Variants in TPRG1 observed in about 807,000 individuals in gnomAD.
TPRG1 encodes tumor protein p63 regulated 1.
Under a neutral mutation model 29.3 loss-of-function variants are expected in TPRG1, and 29 were observed. The ratio of observed to expected loss-of-function variants is 0.99; its 90% CI spans 0.74 to 1.35. The LOEUF (loss-of-function observed/expected upper bound fraction) is 1.35, where lower values mean the gene tolerates loss of function less well. TPRG1 is among the 40% of genes most tolerant of loss of function. The pLI, the probability that TPRG1 is intolerant of heterozygous loss-of-function variation, is 0.00. For synonymous variants in TPRG1, 130 were observed against 116.8 expected, an observed-to-expected ratio of 1.11 and a Z score of -0.73; for missense variants, 327 against 335.0, an observed-to-expected ratio of 0.98 and a Z score of 0.19.
At chr3:189,256,731 G>C (rs1467281833) in intron 4 of TPRG1, among the ~76,000 whole-genome samples, 4 of 152,090 alleles carry the variant, frequency 2.6e-5, no homozygotes, top group African/African-American at 9.7e-5. Context: ...AGCTCTTCTT[G>C]TTGCATTGAT....
intron 4 of TPRG1, among the ~76,000 whole-genome samples, chr3:189,060,169 TTG>T (rs1267202098): frequency 6.6e-6 from 1 of 151,812 alleles, no homozygotes; most frequent in Non-Finnish European, 1.5e-5. Flanking sequence ...GAGGCAGAGG[TTG>T]TGGTGAGCTG....
chr3:189,201,429 G>A (rs1733469109), intron 1 of TPRG1, among the ~76,000 whole-genome samples: 1 of 152,188 alleles, frequency 6.6e-6, no homozygotes, highest in South Asian at 2.1e-4. Context: ...AGTGCCTGGT[G>A]TTGCAGCTGG....
At chr3:189,311,402 G>A (rs1722464685) in intron 5 of TPRG1, among the ~76,000 whole-genome samples, 1 of 152,110 alleles carries the variant, frequency 6.6e-6, no homozygotes, top group Admixed American at 6.5e-5. Flanking sequence ...TGTATGTAAA[G>A]ACTTTCTGTG....
At chr3:189,310,619 CAAAACAAAATAAAAT>C in intron 5 of TPRG1, 80 bp downstream of exon 5, 1 of 730,740 alleles carries the variant, frequency 1.4e-6, no homozygotes, top group South Asian at 3.7e-5. Context: ...TACTCCTAAA[CAAAACAAAATAAAAT>C]AAAATAAAAT....
At chr3:189,115,304 G>A (rs1419507017) in intron 1 of TPRG1, among the ~76,000 whole-genome samples, 3 of 152,166 alleles carry the variant, frequency 2.0e-5, no homozygotes, top group Non-Finnish European at 4.4e-5. Flanking sequence ...TCAACATATT[G>A]GCGCATGGAC....
chr3:189,169,994 G>C (rs748478273), upstream of TPRG1, among the ~76,000 whole-genome samples: 11 of 152,190 alleles, frequency 7.2e-5, no homozygotes, highest in Middle Eastern at 3.2e-3. Flanking sequence ...GTGGCCGCTG[G>C]AAACCTAACG....
At chr3:189,181,423 G>A (rs1365273481) in intron 1 of TPRG1, among the ~76,000 whole-genome samples, 2 of 152,116 alleles carry the variant, frequency 1.3e-5, no homozygotes, top group Non-Finnish European at 2.9e-5. Flanking sequence ...GTCACCTCTT[G>A]AATGCTTTGC....
chr3:189,026,123 A>T (rs546337499), intron 4 of TPRG1, among the ~76,000 whole-genome samples: 2 of 152,120 alleles, frequency 1.3e-5, no homozygotes, highest in East Asian at 3.9e-4. Context: ...CTTAACAGAC[A>T]TTTTTTTTCT....
chr3:189,185,394 T>C (rs1352085701), intron 1 of TPRG1, among the ~76,000 whole-genome samples: 1 of 151,842 alleles, frequency 6.6e-6, no homozygotes, highest in East Asian at 1.9e-4. Flanking sequence ...TGGGTATATT[T>C]TTGAAATTTT....
intron 4 of TPRG1, among the ~76,000 whole-genome samples, chr3:189,239,911 C>T (rs1242781371): frequency 6.6e-6 from 1 of 152,098 alleles, no homozygotes; most frequent in African/African-American, 2.4e-5. Flanking sequence ...GAGGCATCTG[C>T]CTTTACTAAA....
chr3:189,017,774 T>C (rs1713030708), intron 3 of TPRG1, among the ~76,000 whole-genome samples: 1 of 152,188 alleles, frequency 6.6e-6, no homozygotes, highest in South Asian at 2.1e-4. Context: ...CAAATGGTAT[T>C]TCTAGTTCTA....
chr3:189,207,352 G>A (rs1734553829), intron 1 of TPRG1, 24 bp from the exon 2 acceptor site: 1 of 1,610,378 alleles, frequency 6.2e-7, no homozygotes, highest in Non-Finnish European at 8.5e-7. Context: ...TTTTTTCAAT[G>A]AGATTTTTCT....
chr3:189,124,467 C>T (rs1466697323), intron 1 of TPRG1, among the ~76,000 whole-genome samples: 3 of 151,910 alleles, frequency 2.0e-5, no homozygotes, highest in African/African-American at 7.3e-5. Flanking sequence ...TCTGCTAGAT[C>T]CCCTCAGAAG....
Position 189,206,500 on chromosome 3 carries a change from CTT to C in TPRG1, c.-9-859_-9-858del, listed in dbSNP as rs11336790. On this transcript the variant is annotated intron_variant, in intron 1 of 5. Transcript: ENST00000345063. ...TAGATGCGGTGTTGTGATGAACAAA[CTT>C]TTTTTTTTTTTTTTTTGAGACAGGG... 1.4e-3 allele frequency among the ~76,000 whole-genome samples: 190 copies of C among 131,130 alleles called. 1 individual carries two copies. The East Asian group carries it at 0.023, about 16-fold the overall frequency. The allele number at this position is 131,130 out of a possible 152,430, so 86.0% of individuals were successfully genotyped here.
chr3:189,193,016 G>A (rs1731934282), intron 1 of TPRG1, among the ~76,000 whole-genome samples: 1 of 151,830 alleles, frequency 6.6e-6, no homozygotes, highest in Non-Finnish European at 1.5e-5. Context: ...TTTTCTACCT[G>A]CCTGTAAGGT....
At chr3:189,319,437 C>T (rs893654069) in intron 5 of TPRG1, among the ~76,000 whole-genome samples, 17 of 152,186 alleles carry the variant, frequency 1.1e-4, no homozygotes, top group African/African-American at 3.9e-4. Context: ...TACCCAGTTG[C>T]TCAGGCCAAA....
At position 189,287,461 on chromosome 3, in the gene TPRG1, G is replaced by A. The variant is rs113858224; in HGVS notation, c.480-22925G>A. On this transcript the variant is annotated intron_variant, in intron 4 of 5. Coordinates refer to ENST00000345063, the MANE Select transcript of TPRG1 (RefSeq NM_198485.4). ...TGCCCAGGCTGGAGTGCAGTGGCAC[G>A]ATCTCGGCTCACTGCAAGCTCCGCC... is the stretch of plus-strand genomic sequence containing the variant. Among the ~76,000 whole-genome samples the A allele has an allele frequency of 1.2e-3, 177 of 150,234 alleles. 1 individual carries two copies. Among genetic ancestry groups the A allele is most frequent in the Non-Finnish European group, 1.2e-3 (84 of 67,680 alleles).
intron 4 of TPRG1, among the ~76,000 whole-genome samples, chr3:189,248,565 G>T: frequency 6.7e-6 from 1 of 150,110 alleles, no homozygotes; most frequent in African/African-American, 2.5e-5. Flanking sequence ...GGTTATTTTT[G>T]TTAGATATAT....
At chr3:189,204,943 T>TCACACACA (rs1203053094) in intron 1 of TPRG1, among the ~76,000 whole-genome samples, 1 of 94,270 alleles carries the variant, frequency 1.1e-5, no homozygotes, top group Non-Finnish European at 2.3e-5. Context: ...TCTCTCTCTC[T>TCACACACA]CTCTCACACA....
Sources: gnomAD v4.1 joint callset for allele counts (sites outside exome capture counted in the v4.1 genomes callset) on GRCh38, gnomAD v4.1.1 for gene constraint, MANE v1.5 for transcripts, NCBI Gene and HGNC (gene_info 2026-07-23, HGNC 2026-07-21) for gene names.